SIPA1L2: variants seen among roughly 807,000 people sequenced by gnomAD.
The protein encoded by SIPA1L2 is signal induced proliferation associated 1 like 2.
SIPA1L2 carries 56 observed loss-of-function variants against 163.9 expected under a neutral mutation model. That is an observed-to-expected ratio of 0.34 (90% confidence interval 0.28 to 0.43). SIPA1L2 has a LOEUF of 0.43. Among genes scored for constraint, SIPA1L2 ranks in the 20% least tolerant of loss-of-function variants. The probability of loss-of-function intolerance (pLI) is 1.00; values close to 1 mark genes in which losing one functional copy is unlikely to be tolerated. For missense variants in SIPA1L2, 1,974 were observed against 2,193.5 expected (o/e 0.90, Z 2.00); for synonymous variants, 877 against 865.7 (o/e 1.01, Z -0.23).
intron 22 of SIPA1L2, among the ~76,000 whole-genome samples, chr1:232,400,402 G>A (rs1380887628): frequency 2.6e-5 from 4 of 152,124 alleles, no homozygotes; most frequent in South Asian, 2.1e-4. Flanking sequence ...CCTTGTGCAC[G>A]CTCAGTCTCT....
At chr1:232,618,283 A>G (rs141480862) in intron 1 of SIPA1L2, among the ~76,000 whole-genome samples, 143 of 152,316 alleles carry the variant, frequency 9.4e-4, no homozygotes, top group African/African-American at 3.1e-3. Flanking sequence ...AACACCCCAG[A>G]GACCTGGGGG....
chr1:232,435,293 T>G (rs1182424053), intron 15 of SIPA1L2, among the ~76,000 whole-genome samples: 1 of 152,218 alleles, frequency 6.6e-6, no homozygotes, highest in African/African-American at 2.4e-5. Context: ...TTCTAAAAAT[T>G]AGATTTCATT....
At chr1:232,420,560 G>A (rs1057001319) in intron 18 of SIPA1L2, among the ~76,000 whole-genome samples, 4 of 152,202 alleles carry the variant, frequency 2.6e-5, no homozygotes, top group Non-Finnish European at 5.9e-5. Flanking sequence ...CTGTGGCTGG[G>A]CGTGGTGGCT....
chr1:232,529,389 A>T (rs1241656051), intron 2 of SIPA1L2, among the ~76,000 whole-genome samples: 1 of 152,212 alleles, frequency 6.6e-6, no homozygotes, highest in South Asian at 2.1e-4. Flanking sequence ...TATACATTAT[A>T]TTCATCCATT....
Position 232,619,767 on chromosome 1 carries a change from A to G in SIPA1L2, c.-319+10102T>C, listed in dbSNP as rs970767414. On this transcript the variant is annotated intron_variant, in intron 1 of 22. Transcript: ENST00000674635. ...CATGGTCCCACATCCTTATTTTAAA[A>G]TTGGATTATAGTCACTGCCCCAGAA... Among the ~76,000 whole-genome samples the G allele has an allele frequency of 2.0e-5, 3 of 152,220 alleles. No homozygotes were observed. In the East Asian group the frequency reaches 5.8e-4, roughly 29 times the overall value.
At chr1:232,608,335 A>T (rs539549804) in intron 1 of SIPA1L2, among the ~76,000 whole-genome samples, 1 of 152,308 alleles carries the variant, frequency 6.6e-6, no homozygotes, top group African/African-American at 2.4e-5. Context: ...GGCATGAGCC[A>T]CTGCACCCAA....
intron 6 of SIPA1L2, among the ~76,000 whole-genome samples, chr1:232,479,986 T>C (rs1189479118): frequency 2.0e-5 from 3 of 152,164 alleles, no homozygotes; most frequent in Non-Finnish European, 2.9e-5. Flanking sequence ...TCTTCTCTGT[T>C]CTTGCCCTCA....
chr1:232,600,220 G>A (rs1034876614), intron 1 of SIPA1L2, among the ~76,000 whole-genome samples: 2 of 152,040 alleles, frequency 1.3e-5, no homozygotes, highest in African/African-American at 2.4e-5. Flanking sequence ...GGCAGTGTTG[G>A]TGACACAGTT....
chr1:232,435,259 T>G (rs1662490072), intron 15 of SIPA1L2, among the ~76,000 whole-genome samples: 1 of 152,240 alleles, frequency 6.6e-6, no homozygotes, highest in South Asian at 2.1e-4. Context: ...ACTCTATGTA[T>G]TTTTCCATTT....
rs139324416 is a variant in SIPA1L2, at chr1:232,416,144, C to CA, written c.4631-520dup. ...CGGGCACCACTGTCCCTCCCAGAGT[C>CA]AGTCAGGAGTCAGTCAGTCGGAGCA... On this transcript the variant is annotated intron_variant, in intron 18 of 22. Coordinates refer to ENST00000674635, the MANE Select transcript of SIPA1L2 (RefSeq NM_020808.5). 5.5e-3 allele frequency among the ~76,000 whole-genome samples: 836 copies of CA among 151,160 alleles called. 18 individuals carry two copies. The highest frequency in any genetic ancestry group is 0.019 in the African/African-American group (785 of 40,640).
chr1:232,624,047 C>T (rs1662948706), intron 1 of SIPA1L2, among the ~76,000 whole-genome samples: 1 of 152,024 alleles, frequency 6.6e-6, no homozygotes, highest in South Asian at 2.1e-4. Context: ...TCCATAATAT[C>T]TTAGCACAGT....
At chr1:232,564,178 G>T (rs1409080913) in intron 2 of SIPA1L2, among the ~76,000 whole-genome samples, 2 of 94,748 alleles carry the variant, frequency 2.1e-5, no homozygotes, top group African/African-American at 5.6e-5. Flanking sequence ...GTGTGTGTGT[G>T]TGTGTGTGTG....
chr1:232,514,061 A>G lies in SIPA1L2; in HGVS notation c.1279T>C (p.Ser427Pro). The G allele has an allele frequency of 1.9e-6, 3 of 1,614,208 alleles. No individual in the cohort carries two copies. Among genetic ancestry groups the G allele is most frequent in the Non-Finnish European group, 1.7e-6 (2 of 1,180,032 alleles). ...CTGAAAGAGGATGAGTTGGCTCGAG[A>G]GAGCGCAATCCGCCTGTCGCCTTCC... ...GGEGDRRIAL[S>P]RANSSSFSSG... The change falls in exon 3 of 23, where the codon TCT (serine) becomes CCT (proline). Residue 427 changes from serine to proline, a missense_variant. Ser to Pro is a moderately conservative substitution (Grantham distance 74). Around this residue, in one of 3 missense-constraint regions of SIPA1L2, gnomAD observed 607 missense variants for 624.0 expected, o/e 0.97. Transcript: ENST00000674635.
chr1:232,441,895 T>C lies in SIPA1L2; in HGVS notation c.3438-27A>G, dbSNP rs774648643. On this transcript the variant is annotated intron_variant, in intron 12 of 22. Transcript: ENST00000674635. ...TGAAAAGAACACAGAGTTGAGCCTG[T>C]CCTTTCTCAACCGTGCCACCTGCCA... The C allele has an allele frequency of 4.4e-6, 7 of 1,590,358 alleles. No homozygotes were observed. The South Asian group carries it at 5.6e-5, about 13-fold the overall frequency.
At chr1:232,484,591 G>C (rs770230734) in intron 5 of SIPA1L2, among the ~76,000 whole-genome samples, 53 of 152,074 alleles carry the variant, frequency 3.5e-4, no homozygotes, top group Non-Finnish European at 5.9e-4. Context: ...TTACTATCTT[G>C]AAAACATCTG....
intron 2 of SIPA1L2, among the ~76,000 whole-genome samples, chr1:232,559,967 C>T (rs148698866): frequency 9.1e-4 from 139 of 152,230 alleles, no homozygotes; most frequent in African/African-American, 3.1e-3. Context: ...TCAGCAAATC[C>T]GTCTGGAAAC....
chr1:232,606,257 T>C (rs1661914243), intron 1 of SIPA1L2, among the ~76,000 whole-genome samples: 1 of 152,218 alleles, frequency 6.6e-6, no homozygotes. Context: ...CATTTCAGAA[T>C]TTTAATAGAA....
At chr1:232,545,015 C>G (rs1190643652) in intron 2 of SIPA1L2, among the ~76,000 whole-genome samples, 1 of 152,108 alleles carries the variant, frequency 6.6e-6, no homozygotes, top group African/African-American at 2.4e-5. Context: ...CATTTTCATG[C>G]CTTTTCTTCC....
chr1:232,598,275 C>T lies in SIPA1L2; in HGVS notation c.-318-24053G>A, dbSNP rs531045677. Among the ~76,000 whole-genome samples the T allele has an allele frequency of 1.5e-3, 233 of 151,192 alleles. 1 individual carries two copies. Among genetic ancestry groups the T allele is most frequent in the African/African-American group, 3.6e-3 (148 of 41,252 alleles). On this transcript the variant is annotated intron_variant, in intron 1 of 22. Coordinates refer to ENST00000674635, the MANE Select transcript of SIPA1L2 (RefSeq NM_020808.5). ...AAAAAATCAGCCGGGTGTGCTGGTG[C>T]GCACCTGTAGTCCCTGCTACTTGGG...
Sources: gnomAD v4.1 joint callset for allele counts (sites outside exome capture counted in the v4.1 genomes callset) on GRCh38, gnomAD v4.1.1 for gene constraint, gnomAD v4.1.1 regional missense constraint, MANE v1.5 for transcripts, NCBI Gene and HGNC (gene_info 2026-07-23, HGNC 2026-07-21) for gene names.